The following CNTN1 variants were observed in gnomAD, a reference collection of about 807,000 sequenced individuals.
CNTN1 encodes contactin-1.
A neutral mutation model predicts 126.4 loss-of-function variants in CNTN1; 38 were observed. That is an observed-to-expected ratio of 0.30 (90% CI 0.23 to 0.39). The LOEUF (loss-of-function observed/expected upper bound fraction) is 0.39. Ranked by LOEUF, CNTN1 falls within the 10% of genes least tolerant of loss-of-function variation. The probability of loss-of-function intolerance (pLI) is 1.00; values close to 1 mark genes in which losing one functional copy is unlikely to be tolerated. For missense variants in CNTN1, 1,009 were observed against 1,248.4 expected (o/e 0.81, Z 2.89); for synonymous variants, 413 against 422.6 (o/e 0.98, Z 0.28).
At chr12:41,038,157 A>G (rs1470466512) in intron 23 of CNTN1, among the ~76,000 whole-genome samples, 1 of 152,194 alleles carries the variant, frequency 6.6e-6, no homozygotes, top group Non-Finnish European at 1.5e-5. Flanking sequence ...GTCCATCTCA[A>G]AAATAAATGA....
intron 19 of CNTN1, 57 bp downstream of exon 19, chr12:41,016,973 C>A: frequency 3.5e-6 from 5 of 1,421,808 alleles, no homozygotes; most frequent in Non-Finnish European, 5.0e-6. Context: ...ATTTCTCTAG[C>A]AGGCATTTAG....
chr12:40,913,869 C>T (rs529463617), intron 3 of CNTN1, among the ~76,000 whole-genome samples: 2 of 152,188 alleles, frequency 1.3e-5, no homozygotes, highest in African/African-American at 4.8e-5. Flanking sequence ...TTTTTGATCA[C>T]ATTTAAGAAA....
intron 1 of CNTN1, among the ~76,000 whole-genome samples, chr12:40,822,653 T>C (rs1304393651): frequency 6.6e-6 from 1 of 152,168 alleles, no homozygotes; most frequent in Non-Finnish European, 1.5e-5. Flanking sequence ...TTCTGTCTTA[T>C]TCCTTATATC....
intron 1 of CNTN1, among the ~76,000 whole-genome samples, chr12:40,739,775 T>C (rs56135334): frequency 6.6e-6 from 1 of 152,032 alleles, no homozygotes; most frequent in African/African-American, 2.4e-5. Context: ...AAACATATTT[T>C]AAGGAAAATA....
chr12:40,735,197 A>G (rs1592027869), intron 1 of CNTN1, among the ~76,000 whole-genome samples: 1 of 152,224 alleles, frequency 6.6e-6, no homozygotes, highest in South Asian at 2.1e-4. Flanking sequence ...CTCTCAGTAG[A>G]CATATATTCA....
At chr12:41,006,494 C>T (rs559959716) in intron 17 of CNTN1, among the ~76,000 whole-genome samples, 81 of 152,342 alleles carry the variant, frequency 5.3e-4, no homozygotes, top group African/African-American at 1.9e-3. Flanking sequence ...TGGATGTCTT[C>T]TCTGTGTCCC....
intron 1 of CNTN1, among the ~76,000 whole-genome samples, chr12:40,863,174 G>GGAA (rs1299037894): frequency 6.6e-6 from 1 of 152,066 alleles, no homozygotes; most frequent in Non-Finnish European, 1.5e-5. Context: ...TAGAACTGCA[G>GGAA]GAAGTATATT....
At chr12:41,012,492 G>T (rs1382249369) in intron 17 of CNTN1, among the ~76,000 whole-genome samples, 3 of 152,158 alleles carry the variant, frequency 2.0e-5, no homozygotes, top group Non-Finnish European at 4.4e-5. Flanking sequence ...CATCAGTGGG[G>T]ACAGAGGCTG....
At chr12:41,023,225 A>G (rs1429196903) in intron 20 of CNTN1, among the ~76,000 whole-genome samples, 2 of 152,198 alleles carry the variant, frequency 1.3e-5, no homozygotes, top group African/African-American at 4.8e-5. Context: ...AAAACATAAA[A>G]TATAAAGCTG....
Position 40,867,268 on chromosome 12 carries a change from C to T in CNTN1, c.-76-41089C>T, listed in dbSNP as rs1162439083. Reference sequence around the variant, plus strand: ...ACAAGGTCTCCCCACACCCCATCTGCATCCATACATGCCCCTAACCTAAAT... The same window carrying T: ...ACAAGGTCTCCCCACACCCCATCTGTATCCATACATGCCCCTAACCTAAAT... On this transcript the variant is annotated intron_variant, in intron 1 of 23. Coordinates refer to ENST00000551295, the MANE Select transcript of CNTN1 (RefSeq NM_001843.4). Among the ~76,000 whole-genome samples, 3 of 152,142 alleles carry T rather than the reference C, an allele frequency of 2.0e-5. 1 individual carries two copies. The highest frequency in any genetic ancestry group is 7.2e-5 in the African/African-American group (3 of 41,440).
At chr12:40,952,145 A>G (rs949204999) in intron 14 of CNTN1, among the ~76,000 whole-genome samples, 6 of 151,962 alleles carry the variant, frequency 3.9e-5, no homozygotes, top group Non-Finnish European at 8.8e-5. Flanking sequence ...CAGTTATCTG[A>G]TCTATTAAGC....
At chr12:41,014,881 A>T (rs918281008) in intron 18 of CNTN1, among the ~76,000 whole-genome samples, 2 of 152,066 alleles carry the variant, frequency 1.3e-5, no homozygotes, top group African/African-American at 4.8e-5. Context: ...AATAGGAAAG[A>T]TATTGGGAGG....
rs551723726 is a variant in CNTN1, at chr12:40,836,047, T to G, written c.-76-72310T>G. ...ATATATATATACACATGTATGCATA[T>G]ATATGTATATGTATACAGGTGTATA... is the stretch of plus-strand genomic sequence containing the variant. On this transcript the variant is annotated intron_variant, in intron 1 of 23. Coordinates refer to ENST00000551295, the MANE Select transcript of CNTN1 (RefSeq NM_001843.4). Among the ~76,000 whole-genome samples the G allele has an allele frequency of 2.2e-4, 33 of 150,708 alleles. No individual in the cohort carries two copies. In the East Asian group the frequency reaches 3.3e-3, roughly 15 times the overall value.
chr12:40,916,899 C>T (rs1296319314), intron 3 of CNTN1, among the ~76,000 whole-genome samples: 1 of 151,956 alleles, frequency 6.6e-6, no homozygotes, highest in Admixed American at 6.6e-5. Context: ...CCAGCTATTT[C>T]CTATCTGAAA....
chr12:41,041,701 G>T (rs190121591), intron 23 of CNTN1, among the ~76,000 whole-genome samples: 1 of 152,086 alleles, frequency 6.6e-6, no homozygotes, highest in Non-Finnish European at 1.5e-5. Flanking sequence ...GTTTATTTGC[G>T]TAGAGGTGTT....
intron 1 of CNTN1, among the ~76,000 whole-genome samples, chr12:40,806,344 C>T (rs577842322): frequency 6.6e-6 from 1 of 152,242 alleles, no homozygotes; most frequent in East Asian, 1.9e-4. Flanking sequence ...ATCCAGTCCT[C>T]CCCCAGAGAG....
chr12:40,975,961 G>A (rs757700967), intron 15 of CNTN1, among the ~76,000 whole-genome samples: 5 of 152,112 alleles, frequency 3.3e-5, no homozygotes, highest in African/African-American at 4.8e-5. Context: ...ATATATGAGC[G>A]TAATAAAATG....
rs547672452 is a variant in CNTN1, at chr12:40,913,981, A to C, written c.94+3876A>C. Among the ~76,000 whole-genome samples the C allele has an allele frequency of 3.3e-5, 5 of 152,326 alleles. No individual in the cohort carries two copies. The South Asian group carries it at 6.2e-4, about 19-fold the overall frequency. On this transcript the variant is annotated intron_variant, in intron 3 of 23. Transcript: ENST00000551295. Reference sequence around the variant, plus strand: ...TCAAAATAGTGATATGAAATGTTAAAGCTTCAATTAGCTTGAGAGGTCATC... The same window carrying C: ...TCAAAATAGTGATATGAAATGTTAACGCTTCAATTAGCTTGAGAGGTCATC...
intron 23 of CNTN1, among the ~76,000 whole-genome samples, chr12:41,057,610 G>T (rs954112708): frequency 6.6e-6 from 1 of 151,958 alleles, no homozygotes; most frequent in Non-Finnish European, 1.5e-5. Flanking sequence ...TGGGCTGATT[G>T]CTTGATTTTA....
Sources: gnomAD v4.1 joint callset for allele counts (sites outside exome capture counted in the v4.1 genomes callset) on GRCh38, gnomAD v4.1.1 for gene constraint, MANE v1.5 for transcripts, NCBI Gene and HGNC (gene_info 2026-07-23, HGNC 2026-07-21) for gene names.